Variants in MDM4 observed in about 807,000 individuals in gnomAD.
MDM4 encodes protein Mdm4.
In MDM4, 2 loss-of-function variants were observed where a neutral mutation model predicts 60.2. The ratio of observed to expected loss-of-function variants is 0.03; its 90% CI spans 0.01 to 0.10. MDM4 has a LOEUF of 0.10. MDM4 is among the 10% of genes least tolerant of loss of function. The pLI is 1.00. For missense variants in MDM4, 447 were observed against 577.5 expected, an observed-to-expected ratio of 0.77 and a Z score of 2.32; for synonymous variants, 202 against 198.1, an observed-to-expected ratio of 1.02 and a Z score of -0.17.
At position 204,554,398 on chromosome 1, in the gene MDM4, G is replaced by T. The variant is rs373413527; in HGVS notation, c.*4716G>T. The T allele has an allele frequency of 8.8e-6, 2 of 226,190 alleles. No individual in the cohort carries two copies. The highest frequency in any genetic ancestry group is 4.4e-5 in the African/African-American group (2 of 44,950). The allele number at this position is 226,190 out of a possible 1,614,324, so 14.0% of individuals were successfully genotyped here. ...TCTGATGGTTCTCCCAGTCATGAGTGTGCATGTGTGCAAGCATGTTTTGAT... is the reference window on the plus strand; with the variant it reads ...TCTGATGGTTCTCCCAGTCATGAGTTTGCATGTGTGCAAGCATGTTTTGAT... On this transcript the variant is annotated 3_prime_UTR_variant, in exon 11 of 11. Transcript: ENST00000367182.
At position 204,530,862 on chromosome 1, in the gene MDM4, T is replaced by A. The variant is rs1285055895; in HGVS notation, c.287+45T>A. The A allele has an allele frequency of 1.9e-6, 3 of 1,612,176 alleles. No homozygotes were observed. The South Asian group carries it at 3.3e-5, about 18-fold the overall frequency. On this transcript the variant is annotated intron_variant, in intron 4 of 10. Transcript: ENST00000367182. Reference sequence around the variant, plus strand: ...GCGTATCTTTTTGGGTGCTTATACCTAGCCACTTAATTTCTATGGGTTATT... The same window carrying A: ...GCGTATCTTTTTGGGTGCTTATACCAAGCCACTTAATTTCTATGGGTTATT...
rs540992314 is a variant in MDM4, at chr1:204,557,589, A to G, written c.*7907A>G. On this transcript the variant is annotated 3_prime_UTR_variant, in exon 11 of 11. Coordinates refer to ENST00000367182, the MANE Select transcript of MDM4 (RefSeq NM_002393.5). ...GGCTAATTTTGTATTTTTAGTAGAGACAGGGTTTCACCATGTTGGCCAGGC... is the reference window on the plus strand; with the variant it reads ...GGCTAATTTTGTATTTTTAGTAGAGGCAGGGTTTCACCATGTTGGCCAGGC... The G allele has an allele frequency of 5.0e-4, 86 of 171,950 alleles. No individual in the cohort carries two copies. The highest frequency in any genetic ancestry group is 1.7e-3 in the African/African-American group (70 of 42,096). The allele number at this position is 171,950 out of a possible 1,614,324, so 10.7% of individuals were successfully genotyped here.
chr1:204,546,694 G>GTTTT, intron 9 of MDM4, 103 bp from the exon 10 acceptor site: 1 of 714,230 alleles, frequency 1.4e-6, no homozygotes, highest in Non-Finnish European at 2.4e-6. Context: ...GATGGGAGAA[G>GTTTT]AATGTGAGTT....
Position 204,549,321 on chromosome 1 carries a change from T to A in MDM4, c.1112T>A (p.Val371Asp), listed in dbSNP as rs2102456374. 6.2e-7 allele frequency: 1 copy of A among 1,614,200 alleles called. No individual in the cohort carries two copies. Among genetic ancestry groups the A allele is most frequent in the Non-Finnish European group, 8.5e-7 (1 of 1,180,014 alleles). The change falls in exon 11 of 11, where the codon GTT (valine) becomes GAT (aspartate). Residue 371 changes from valine (V) to aspartate (D), a missense_variant. Physicochemically the swap from Val to Asp is radical, Grantham distance 152. This residue lies in a region of MDM4 where 117 missense variants were observed against 114.5 expected (regional missense o/e 1.02). Transcript: ENST00000367182. ...DCRRTISAPV[V>D]RPKDAYIKKE... The stretch of plus-strand genomic sequence containing the variant: ...CGAAGAACCATTTCGGCTCCTGTCG[T>A]TAGACCTAAAGATGCGTATATAAAG...
intron 1 of MDM4, among the ~76,000 whole-genome samples, chr1:204,519,888 C>T (rs556422953): frequency 4.6e-5 from 7 of 151,978 alleles, no homozygotes; most frequent in Middle Eastern, 6.8e-3. Context: ...AATAACAGAA[C>T]GGATACAACT....
At chr1:204,533,849 CAT>C (rs1190957243) in intron 5 of MDM4, among the ~76,000 whole-genome samples, 2 of 148,652 alleles carry the variant, frequency 1.3e-5, no homozygotes, top group Admixed American at 6.8e-5. Flanking sequence ...GTGGTGCAAT[CAT>C]AGTTCACTGC....
At chr1:204,536,097 T>G (rs1661387826) in intron 5 of MDM4, among the ~76,000 whole-genome samples, 1 of 152,066 alleles carries the variant, frequency 6.6e-6, no homozygotes, top group Non-Finnish European at 1.5e-5. Context: ...CTGTCTCTAC[T>G]AAAAATACAA....
chr1:204,542,889 T>G lies in MDM4; in HGVS notation c.617T>G (p.Leu206Trp), dbSNP rs1311090584. ...CTGCCTTGGTGGTTTTTAGGAAACT[T>G]GAGAAGCAACTATACACCTAGAAGT... is the stretch of plus-strand genomic sequence containing the variant. Reference protein sequence around the residue: ...AGLPWWFLGNLRSNYTPRSNG... With the variant: ...AGLPWWFLGNWRSNYTPRSNG... The change falls in exon 8 of 11, where the codon TTG (leucine) becomes TGG (tryptophan). Residue 206 changes from leucine (L) to tryptophan (W), a missense_variant. Leu to Trp is a moderately conservative substitution (Grantham distance 61). Coordinates refer to ENST00000367182, the MANE Select transcript of MDM4 (RefSeq NM_002393.5). The G allele has an allele frequency of 3.1e-6, 5 of 1,614,094 alleles. No homozygotes were observed. Among genetic ancestry groups the G allele is most frequent in the Middle Eastern group, 1.7e-4 (1 of 6,060 alleles).
intron 10 of MDM4, among the ~76,000 whole-genome samples, chr1:204,548,666 C>T (rs993095381): frequency 5.3e-5 from 8 of 152,128 alleles, no homozygotes; most frequent in African/African-American, 1.9e-4. Flanking sequence ...GTTTTCAAAT[C>T]TCATTTGTTT....
intron 1 of MDM4, among the ~76,000 whole-genome samples, chr1:204,521,341 C>G (rs941621205): frequency 6.6e-6 from 1 of 152,086 alleles, no homozygotes. Context: ...TGTGGTTTGT[C>G]ATGCAGCTGT....
In MDM4 at chr1:204,551,710, A is replaced by G. The variant is rs1663221667; in HGVS notation, c.*2028A>G. On this transcript the variant is annotated 3_prime_UTR_variant, in exon 11 of 11. Transcript: ENST00000367182. ...TCATTTTGAAGACCAAGGCCCTAGA[A>G]TTGTCAAACTTAAGGATCATAAAAA... 1 of 230,412 alleles carries G rather than the reference A, an allele frequency of 4.3e-6. No homozygotes were observed. The highest frequency in any genetic ancestry group is 8.6e-6 in the Non-Finnish European group (1 of 116,476). The allele number at this position is 230,412 out of a possible 1,614,324, so 14.3% of individuals were successfully genotyped here.
intron 7 of MDM4, among the ~76,000 whole-genome samples, chr1:204,540,646 C>G (rs1192329690): frequency 6.6e-6 from 1 of 151,948 alleles, no homozygotes; most frequent in African/African-American, 2.4e-5. Context: ...GCCTGTAATC[C>G]CAGCTACTCG....
At chr1:204,539,151 A>G (rs954866556) in intron 7 of MDM4, among the ~76,000 whole-genome samples, 2 of 151,504 alleles carry the variant, frequency 1.3e-5, no homozygotes, top group Non-Finnish European at 2.9e-5. Context: ...TTACAGGTGC[A>G]TGCCACTACG....
chr1:204,526,933 T>C (rs1295072565), intron 3 of MDM4, among the ~76,000 whole-genome samples: 4 of 152,138 alleles, frequency 2.6e-5, no homozygotes, highest in Non-Finnish European at 4.4e-5. Flanking sequence ...AAGTGTGTTA[T>C]AAGATAAACA....
rs951019581 is a variant in MDM4 at position 204,529,401 on chromosome 1, T to G, written c.154-1283T>G. The G allele has an allele frequency of 8.4e-6, 10 of 1,193,302 alleles. No individual in the cohort carries two copies. In the African/African-American group the frequency reaches 1.0e-4, roughly 13 times the overall value. 73.9% of individuals were successfully genotyped at this position (1,193,302 alleles called of 1,614,324 possible). ...ATGAGGCCTGGGCTGCTGGGCACCG[T>G]AGGAATTTGGAGGTGGCTGACCATA... On this transcript the variant is annotated intron_variant, in intron 3 of 10. Coordinates refer to ENST00000367182, the MANE Select transcript of MDM4 (RefSeq NM_002393.5).
At chr1:204,527,757 C>CT (rs1442999111) in intron 3 of MDM4, among the ~76,000 whole-genome samples, 1 of 151,604 alleles carries the variant, frequency 6.6e-6, no homozygotes, top group Non-Finnish European at 1.5e-5. Context: ...AATTTGTATT[C>CT]TTTAAGTGGA....
At chr1:204,528,074 A>AT (rs11440400) in intron 3 of MDM4, among the ~76,000 whole-genome samples, 76,920 of 140,306 alleles carry the variant, frequency 0.55, 23,070 homozygotes, top group Non-Finnish European at 0.67. Flanking sequence ...AAAGTCTGGA[A>AT]TTTTTTTTTT....
chr1:204,538,329 A>G (rs758283030), intron 7 of MDM4, 21 bp downstream of exon 7: 12 of 1,322,358 alleles, frequency 9.1e-6, no homozygotes, highest in African/African-American at 8.8e-5. Context: ...GATTAAGGCT[A>G]TATAGACTTT....
intron 7 of MDM4, among the ~76,000 whole-genome samples, chr1:204,539,749 A>G (rs1661838951): frequency 6.6e-6 from 1 of 151,202 alleles, no homozygotes; most frequent in African/African-American, 2.4e-5. Context: ...GTTGACCAGG[A>G]TGGGTTGATG....
Sources: allele counts gnomAD v4.1 joint callset (sites outside exome capture counted in the v4.1 genomes callset), GRCh38; gene constraint gnomAD v4.1.1; regional missense constraint gnomAD v4.1.1; transcripts MANE v1.5; gene names NCBI Gene and HGNC (gene_info 2026-07-23, HGNC 2026-07-21).